Variants in AUTS2 observed in about 807,000 individuals in gnomAD.
AUTS2 encodes the protein autism susceptibility gene 2 protein.
A neutral mutation model predicts 112.4 loss-of-function variants in AUTS2; 17 were observed. The observed-to-expected ratio is 0.15, with a 90% confidence interval of 0.10 to 0.23. AUTS2 has a LOEUF of 0.23. Among genes scored for constraint, AUTS2 ranks in the 10% least tolerant of loss-of-function variants. AUTS2 has a pLI of 1.00. For synonymous variants in AUTS2, 751 were observed against 702.7 expected, an observed-to-expected ratio of 1.07 and a Z score of -1.09; for missense variants, 1,510 against 1,701.6, an observed-to-expected ratio of 0.89 and a Z score of 1.98.
At chr7:69,916,277 C>T (rs1297257698) in intron 2 of AUTS2, among the ~76,000 whole-genome samples, 1 of 152,242 alleles carries the variant, frequency 6.6e-6, no homozygotes, top group African/African-American at 2.4e-5. Context: ...AAGGATACTA[C>T]TCACTGTCCC....
intron 5 of AUTS2, among the ~76,000 whole-genome samples, chr7:70,562,823 G>A (rs1191203574): frequency 6.6e-6 from 1 of 152,224 alleles, no homozygotes; most frequent in Non-Finnish European, 1.5e-5. Context: ...CCTGGGGAAT[G>A]AATGAATGAA....
intron 5 of AUTS2, among the ~76,000 whole-genome samples, chr7:70,539,356 G>A (rs1439839871): frequency 6.6e-6 from 1 of 152,134 alleles, no homozygotes; most frequent in African/African-American, 2.4e-5. Flanking sequence ...TTGTTGTGAG[G>A]CCAACAACCA....
At chr7:70,287,964 G>T (rs1287107647) in intron 4 of AUTS2, among the ~76,000 whole-genome samples, 3 of 152,082 alleles carry the variant, frequency 2.0e-5, no homozygotes, top group African/African-American at 7.2e-5. Flanking sequence ...TCCCCCAAAG[G>T]TGTTGATTAG....
intron 1 of AUTS2, among the ~76,000 whole-genome samples, chr7:69,826,384 C>T (rs1192155014): frequency 1.3e-5 from 2 of 152,182 alleles, no homozygotes; most frequent in African/African-American, 2.4e-5. Flanking sequence ...CTTGAATCCA[C>T]AGCTTTTGAC....
chr7:70,070,379 C>G (rs1802698140), intron 2 of AUTS2, among the ~76,000 whole-genome samples: 1 of 147,992 alleles, frequency 6.8e-6, no homozygotes, highest in South Asian at 2.2e-4. Flanking sequence ...TTGAGACCAA[C>G]CTGGCCAACA....
At chr7:70,438,595 T>TA (rs1191645894) in intron 5 of AUTS2, among the ~76,000 whole-genome samples, 8 of 152,160 alleles carry the variant, frequency 5.3e-5, no homozygotes, top group Non-Finnish European at 1.5e-5. Flanking sequence ...TTAAGACTGT[T>TA]AGGCTTCCCC....
rs186047454 is a variant in AUTS2, at chr7:69,707,224, T to A, written c.309+107262T>A. Among the ~76,000 whole-genome samples the A allele has an allele frequency of 4.1e-3, 625 of 152,350 alleles. 6 individuals carry two copies. Among genetic ancestry groups the A allele is most frequent in the African/African-American group, 0.014 (582 of 41,584 alleles). Reference sequence around the variant, plus strand: ...TCATTATCAGACCTCATCTGCATACTTTTTATACAAATTTGCCCCATTGGT... The same window carrying A: ...TCATTATCAGACCTCATCTGCATACATTTTATACAAATTTGCCCCATTGGT... On this transcript the variant is annotated intron_variant, in intron 1 of 18. Coordinates refer to ENST00000342771, the MANE Select transcript of AUTS2 (RefSeq NM_015570.4).
chr7:70,749,326 T>C (rs573534953), intron 6 of AUTS2, among the ~76,000 whole-genome samples: 1 of 151,980 alleles, frequency 6.6e-6, no homozygotes, highest in South Asian at 2.1e-4. Context: ...CTGTGCAAAC[T>C]TGAATGTGCA....
chr7:70,161,335 A>C (rs1234966064), intron 4 of AUTS2, among the ~76,000 whole-genome samples: 1 of 151,556 alleles, frequency 6.6e-6, no homozygotes, highest in Non-Finnish European at 1.5e-5. Flanking sequence ...AGGTGATGCA[A>C]TCTTTATTCT....
intron 1 of AUTS2, among the ~76,000 whole-genome samples, chr7:69,609,125 C>A (rs563631734): frequency 6.6e-6 from 1 of 152,290 alleles, no homozygotes; most frequent in Admixed American, 6.5e-5. Flanking sequence ...GTTAATTGAC[C>A]TGTTCAAGAT....
chr7:69,805,037 A>G (rs552737608), intron 1 of AUTS2, among the ~76,000 whole-genome samples: 1 of 152,312 alleles, frequency 6.6e-6, no homozygotes, highest in African/African-American at 2.4e-5. Flanking sequence ...GAGGACAGTT[A>G]TATCTTCCTT....
chr7:69,967,672 C>T (rs1797686827), intron 2 of AUTS2, among the ~76,000 whole-genome samples: 1 of 152,182 alleles, frequency 6.6e-6, no homozygotes, highest in Non-Finnish European at 1.5e-5. Context: ...TGCTGACACA[C>T]TGCTTTTTCT....
intron 13 of AUTS2, 79 bp from the exon 14 acceptor site, chr7:70,777,024 G>C: frequency 7.0e-7 from 1 of 1,430,406 alleles, no homozygotes; most frequent in African/African-American, 1.4e-5. Context: ...GCCAAAATCT[G>C]CTGAAAGCTT....
intron 1 of AUTS2, among the ~76,000 whole-genome samples, chr7:69,677,220 A>C (rs1222329384): frequency 1.3e-5 from 2 of 152,188 alleles, no homozygotes; most frequent in Non-Finnish European, 2.9e-5. Flanking sequence ...GTTAAGATTT[A>C]GTTAGTGGCC....
chr7:70,039,573 A>G (rs1359955024), intron 2 of AUTS2, among the ~76,000 whole-genome samples: 1 of 151,648 alleles, frequency 6.6e-6, no homozygotes, highest in African/African-American at 2.4e-5. Flanking sequence ...CTGGTCTCCA[A>G]CTCCTGACCT....
chr7:69,925,107 A>G (rs981107470), intron 2 of AUTS2, among the ~76,000 whole-genome samples: 7 of 152,132 alleles, frequency 4.6e-5, no homozygotes, highest in Non-Finnish European at 4.4e-5. Flanking sequence ...TTATATCTAT[A>G]GAATCTATGG....
intron 1 of AUTS2, among the ~76,000 whole-genome samples, chr7:69,878,353 C>A (rs1793895603): frequency 6.6e-6 from 1 of 152,164 alleles, no homozygotes; most frequent in Admixed American, 6.5e-5. Context: ...TTTATGACTG[C>A]AACATTTTTG....
chr7:70,185,491 G>A (rs868496816), intron 4 of AUTS2, among the ~76,000 whole-genome samples: 2 of 151,898 alleles, frequency 1.3e-5, no homozygotes, highest in African/African-American at 2.4e-5. Flanking sequence ...GAGGCCACTT[G>A]TCTTATTATT....
chr7:69,718,419 CCT>C (rs1275794718), intron 1 of AUTS2, among the ~76,000 whole-genome samples: 1 of 152,114 alleles, frequency 6.6e-6, no homozygotes, highest in Non-Finnish European at 1.5e-5. Flanking sequence ...AATTCTATGA[CCT>C]CATCTTTTTC....
Sources: allele counts gnomAD v4.1 joint callset (sites outside exome capture counted in the v4.1 genomes callset), GRCh38; gene constraint gnomAD v4.1.1; transcripts MANE v1.5; gene names NCBI Gene and HGNC (gene_info 2026-07-23, HGNC 2026-07-21).